SYT9: variants seen among roughly 807,000 people sequenced by gnomAD.
SYT9 encodes the protein synaptotagmin-9.
In SYT9, 22 loss-of-function variants were observed where a neutral mutation model predicts 48.4. That is an observed-to-expected ratio of 0.45 (90% confidence interval 0.32 to 0.65). The LOEUF is 0.65. Ranked by LOEUF, SYT9 falls within the 30% of genes least tolerant of loss-of-function variation. The pLI, the probability that SYT9 is intolerant of heterozygous loss-of-function variation, is 0.03. For synonymous variants in SYT9, 265 were observed against 245.0 expected (o/e 1.08, Z -0.76); for missense variants, 577 against 622.0 (o/e 0.93, Z 0.77).
At chr11:7,350,596 T>TG (rs1849895687) in intron 3 of SYT9, among the ~76,000 whole-genome samples, 1 of 152,204 alleles carries the variant, frequency 6.6e-6, no homozygotes, top group South Asian at 2.1e-4. Flanking sequence ...CCCTGGGGCC[T>TG]GGGCTCACTT....
At chr11:7,416,005 A>G (rs751524399) in intron 3 of SYT9, 37 bp from the exon 4 acceptor site, 4 of 1,613,534 alleles carry the variant, frequency 2.5e-6, no homozygotes, top group South Asian at 1.1e-5. Context: ...CAGGCTGGAG[A>G]CACTTTCTAA....
At chr11:7,255,414 A>G (rs1847950259) in intron 1 of SYT9, among the ~76,000 whole-genome samples, 1 of 152,212 alleles carries the variant, frequency 6.6e-6, no homozygotes, top group Non-Finnish European at 1.5e-5. Flanking sequence ...TCTGAATGAG[A>G]TAGGAAGCCA....
Position 7,313,737 on chromosome 11 carries a change from C to T in SYT9, c.840C>T (p.Thr280=), listed in dbSNP as rs1299530865. 5.0e-6 allele frequency: 8 copies of T among 1,614,156 alleles called. No individual in the cohort carries two copies. Among genetic ancestry groups the T allele is most frequent in the Non-Finnish European group, 6.8e-6 (8 of 1,180,024 alleles). Residue 280 remains threonine (T), a synonymous_variant, in exon 3 of 7, where the codon ACC becomes ACT. Transcript: ENST00000318881. ...ACCAGACTAAAGTTCACAGAAAGAC[C>T]CTGAACCCTGTGTTTGATGAAGTGT... The part of the protein sequence containing the change: ...TKHQTKVHRK[T]LNPVFDEVFL...
At chr11:7,331,783 G>GAA (rs1849537241) in intron 3 of SYT9, among the ~76,000 whole-genome samples, 1 of 152,030 alleles carries the variant, frequency 6.6e-6, no homozygotes, top group African/African-American at 2.4e-5. Flanking sequence ...ATATGCACCC[G>GAA]GAATAGATGA....
intron 3 of SYT9, among the ~76,000 whole-genome samples, chr11:7,327,979 G>T (rs1266476064): frequency 8.2e-6 from 1 of 121,490 alleles, no homozygotes; most frequent in African/African-American, 3.1e-5. Context: ...GCTAGATGAC[G>T]AGTTAGTGGG....
intron 3 of SYT9, among the ~76,000 whole-genome samples, chr11:7,391,735 T>TAAACAAAAAAAA (rs1846615100): frequency 2.8e-5 from 1 of 35,940 alleles, no homozygotes; most frequent in Non-Finnish European, 5.0e-5. Context: ...ACCCCATCTC[T>TAAACAAAAAAAA]AAAAAAAAAA....
chr11:7,317,104 T>C (rs902244892), intron 3 of SYT9, among the ~76,000 whole-genome samples: 17 of 152,228 alleles, frequency 1.1e-4, no homozygotes, highest in Non-Finnish European at 2.4e-4. Context: ...TTATGTTTGG[T>C]GTAATAAAAT....
At chr11:7,320,849 G>C (rs1849324687) in intron 3 of SYT9, among the ~76,000 whole-genome samples, 1 of 152,168 alleles carries the variant, frequency 6.6e-6, no homozygotes, top group Admixed American at 6.5e-5. Context: ...ATACATCTTT[G>C]TGAGGATTTT....
chr11:7,303,159 C>T lies in SYT9; in HGVS notation c.266C>T (p.Ser89Phe), dbSNP rs760652874. The change falls in exon 2 of 7, where the codon TCT becomes TTT. Residue 89 changes from serine (S) to phenylalanine (F), a missense_variant. By Grantham distance (155) the Ser-to-Phe change is radical. Coordinates refer to ENST00000318881, the MANE Select transcript of SYT9 (RefSeq NM_175733.4). ...CCGTGGCGAGAACGAGGCCTGCCCTCTGGTAGCAAAGACAACAACCAGGAG... is the reference window on the plus strand; with the variant it reads ...CCGTGGCGAGAACGAGGCCTGCCCTTTGGTAGCAAAGACAACAACCAGGAG... ...WVPWRERGLP[S>F]GSKDNNQEPL... The T allele has an allele frequency of 6.2e-7, 1 of 1,614,184 alleles. No individual in the cohort carries two copies. The highest frequency in any genetic ancestry group is 8.5e-7 in the Non-Finnish European group (1 of 1,180,032).
chr11:7,255,216 C>T (rs1847945752), intron 1 of SYT9, among the ~76,000 whole-genome samples: 1 of 152,080 alleles, frequency 6.6e-6, no homozygotes, highest in African/African-American at 2.4e-5. Flanking sequence ...GCCTTTAAGG[C>T]AGAGGGAACA....
intron 3 of SYT9, among the ~76,000 whole-genome samples, chr11:7,334,634 C>CTCGCTGCCACCCATCCACCCAA (rs760477407): frequency 7.1e-6 from 1 of 139,936 alleles, no homozygotes; most frequent in Non-Finnish European, 1.6e-5. Flanking sequence ...CCTGCCTCCA[C>CTCGCTGCCACCCATCCACCCAA]TCCCTGCCAC....
intron 3 of SYT9, among the ~76,000 whole-genome samples, chr11:7,317,978 A>C (rs1167340548): frequency 6.6e-6 from 1 of 152,220 alleles, no homozygotes; most frequent in Non-Finnish European, 1.5e-5. Context: ...GCCAAGTTAA[A>C]CACCCTCTCT....
intron 3 of SYT9, among the ~76,000 whole-genome samples, chr11:7,350,470 C>T (rs534813948): frequency 6.6e-6 from 1 of 152,292 alleles, no homozygotes; most frequent in East Asian, 1.9e-4. Flanking sequence ...GCCAAAGTCA[C>T]CTCCTACCTG....
At chr11:7,253,980 C>T (rs931182618) in intron 1 of SYT9, among the ~76,000 whole-genome samples, 1 of 152,182 alleles carries the variant, frequency 6.6e-6, no homozygotes, top group Non-Finnish European at 1.5e-5. Flanking sequence ...TTTGGCTTTA[C>T]AAGAGAAGAT....
At chr11:7,341,390 T>TA (rs764442039) in intron 3 of SYT9, among the ~76,000 whole-genome samples, 3 of 151,936 alleles carry the variant, frequency 2.0e-5, no homozygotes, top group Non-Finnish European at 4.4e-5. Flanking sequence ...TGGTGGGAGG[T>TA]AATTGAATCA....
At chr11:7,303,838 G>A (rs1283502790) in intron 2 of SYT9, among the ~76,000 whole-genome samples, 1 of 152,114 alleles carries the variant, frequency 6.6e-6, no homozygotes, top group East Asian at 1.9e-4. Context: ...TACTGCTTTA[G>A]AATTTATTCC....
chr11:7,268,038 T>TA, intron 1 of SYT9, among the ~76,000 whole-genome samples: 1 of 152,070 alleles, frequency 6.6e-6, no homozygotes, highest in South Asian at 2.1e-4. Flanking sequence ...AATTGAAAGG[T>TA]AGTCAAAGAA....
chr11:7,366,030 A>G (rs1850234868), intron 3 of SYT9, among the ~76,000 whole-genome samples: 1 of 152,174 alleles, frequency 6.6e-6, no homozygotes, highest in African/African-American at 2.4e-5. Flanking sequence ...CTTACCCTTC[A>G]AGGTACTGAA....
At chr11:7,368,657 C>T (rs1850296567) in intron 3 of SYT9, among the ~76,000 whole-genome samples, 2 of 152,132 alleles carry the variant, frequency 1.3e-5, no homozygotes, top group Non-Finnish European at 2.9e-5. Context: ...AGAATGATGG[C>T]TTCCAGCTTC....
Sources: gnomAD v4.1 joint callset for allele counts (sites outside exome capture counted in the v4.1 genomes callset) on GRCh38, gnomAD v4.1.1 for gene constraint, MANE v1.5 for transcripts, NCBI Gene and HGNC (gene_info 2026-07-23, HGNC 2026-07-21) for gene names.